The following DPP6 variants were observed in gnomAD, a reference collection of about 807,000 sequenced individuals.
DPP6 encodes dipeptidyl peptidase like 6.
A neutral mutation model predicts 122.6 loss-of-function variants in DPP6; 69 were observed. The ratio of observed to expected loss-of-function variants is 0.56; its 90% confidence interval spans 0.46 to 0.69. The LOEUF is 0.69. Among genes scored for constraint, DPP6 ranks in the 30% least tolerant of loss-of-function variants. The probability of loss-of-function intolerance (pLI) is 0.00; values close to 1 mark genes in which losing one functional copy is unlikely to be tolerated. For missense variants in DPP6, 928 were observed against 1,116.9 expected (o/e 0.83, Z 2.41); for synonymous variants, 418 against 433.1 (o/e 0.97, Z 0.43).
intron 1 of DPP6, among the ~76,000 whole-genome samples, chr7:153,989,358 G>T (rs201678801): frequency 0.12 from 17,037 of 144,240 alleles, 1 homozygote; most frequent in African/African-American, 0.16. Context: ...TGAGTGTGGG[G>T]GAGTGAGTAT....
intron 7 of DPP6, among the ~76,000 whole-genome samples, chr7:154,689,551 G>A (rs967280354): frequency 6.6e-6 from 1 of 151,218 alleles, no homozygotes; most frequent in Non-Finnish European, 1.5e-5. Context: ...TATATACCTA[G>A]CTAGATTTTT....
intron 5 of DPP6, among the ~76,000 whole-genome samples, chr7:154,574,796 GTGTGTTTGTGTGTGTGATGTGTT>G: frequency 1.0e-5 from 1 of 100,330 alleles, no homozygotes; most frequent in South Asian, 4.2e-4. Context: ...TGTGTGTGGT[GTGTGTTTGTGTGTGTGATGTGTT>G]TGTGTGGTGT....
rs77361862 is a variant in DPP6 at position 154,731,922 on chromosome 7, T to A, written c.883+4035T>A. 3.9e-3 allele frequency among the ~76,000 whole-genome samples: 598 copies of A among 152,338 alleles called. 20 individuals are homozygous for A. The East Asian group carries it at 0.093, about 24-fold the overall frequency. On this transcript the variant is annotated intron_variant, in intron 8 of 25. Coordinates refer to ENST00000377770, the MANE Select transcript of DPP6 (RefSeq NM_130797.4). ...GCAAAGTTCCTAGTATGTAGGCATA[T>A]GGGCAAAGAGTTGGAATTCTCCAAG...
chr7:154,074,043 G>GGTATC (rs1803336101), intron 1 of DPP6, among the ~76,000 whole-genome samples: 1 of 148,308 alleles, frequency 6.7e-6, no homozygotes, highest in Non-Finnish European at 1.5e-5. Context: ...ATGTATGTAA[G>GGTATC]TATCTATCTA....
chr7:153,984,633 T>A (rs1796752522), intron 1 of DPP6, among the ~76,000 whole-genome samples: 1 of 152,086 alleles, frequency 6.6e-6, no homozygotes, highest in Non-Finnish European at 1.5e-5. Flanking sequence ...CATAGCTGAA[T>A]TAGGAGAGGG....
chr7:153,886,581 A>C (rs1436479864), upstream of DPP6, among the ~76,000 whole-genome samples: 1 of 152,132 alleles, frequency 6.6e-6, no homozygotes, highest in Non-Finnish European at 1.5e-5. Context: ...CCGGGAAGCC[A>C]GGTGTGCGGC....
intron 1 of DPP6, among the ~76,000 whole-genome samples, chr7:154,410,260 C>T (rs1175036654): frequency 6.6e-6 from 1 of 152,174 alleles, no homozygotes. Flanking sequence ...AAAGCTGTGA[C>T]TTGAAGGGTT....
chr7:154,775,011 T>C (rs1796475855), intron 10 of DPP6, among the ~76,000 whole-genome samples: 1 of 152,208 alleles, frequency 6.6e-6, no homozygotes, highest in Non-Finnish European at 1.5e-5. Flanking sequence ...GGCAGTCCTG[T>C]GTGCCGTAGA....
In DPP6 at chr7:154,474,975, C is replaced by CT. The variant is rs1441532348; in HGVS notation, c.396dup (p.Val133CysfsTer7). 6.2e-7 allele frequency: 1 copy of CT among 1,613,768 alleles called. No homozygotes were observed. Among genetic ancestry groups the CT allele is most frequent in the Admixed American group, 1.7e-5 (1 of 60,016 alleles). On this transcript the variant is annotated frameshift_variant, in exon 3 of 26. Transcript: ENST00000377770. LOFTEE classifies it high-confidence loss of function. The stretch of plus-strand genomic sequence containing the variant: ...AGTCTGTCTCAAAAGAAGAAGGTCA[C>CT]TGTAGAAGATCTCTTCAGTGAAGAC...
rs1233032699 is a variant in DPP6, at chr7:154,877,902, G to C, written c.2078+1802G>C. On this transcript the variant is annotated intron_variant, in intron 20 of 25. Coordinates refer to ENST00000377770, the MANE Select transcript of DPP6 (RefSeq NM_130797.4). This position sits in a 1 kb window ranked among gnomAD's most constrained non-coding sequence, Gnocchi z 5.2. The stretch of plus-strand genomic sequence containing the variant: ...TTCAGTGTGGAAGGAGGATGGGTGG[G>C]TGGCTGCTGGGTCAGCAGCGGGCAG... Among the ~76,000 whole-genome samples the C allele has an allele frequency of 6.6e-6, 1 of 152,122 alleles. No homozygotes were observed. The highest frequency in any genetic ancestry group is 1.5e-5 in the Non-Finnish European group (1 of 68,026).
At chr7:154,882,917 T>TG (rs72350352) in intron 21 of DPP6, among the ~76,000 whole-genome samples, 1 of 151,812 alleles carries the variant, frequency 6.6e-6, no homozygotes, top group South Asian at 2.1e-4. Context: ...TGGTTGATCT[T>TG]GGAGTTTGGC....
intron 1 of DPP6, among the ~76,000 whole-genome samples, chr7:153,894,165 A>T (rs1799314649): frequency 6.6e-6 from 1 of 152,220 alleles, no homozygotes; most frequent in Non-Finnish European, 1.5e-5. Flanking sequence ...GTTTCCAAGG[A>T]CCACAAGGAT....
At chr7:153,947,880 T>C (rs1214976541) in intron 1 of DPP6, among the ~76,000 whole-genome samples, 1 of 152,214 alleles carries the variant, frequency 6.6e-6, no homozygotes, top group Non-Finnish European at 1.5e-5. Flanking sequence ...TGGTCCTTCC[T>C]GCGCCTGACA....
intron 1 of DPP6, among the ~76,000 whole-genome samples, chr7:154,196,465 G>A (rs999283490): frequency 6.6e-5 from 10 of 152,214 alleles, no homozygotes; most frequent in African/African-American, 2.4e-4. Flanking sequence ...ACTCCAGCCT[G>A]GGTGACAGAG....
intron 8 of DPP6, among the ~76,000 whole-genome samples, chr7:154,757,164 C>G (rs1843728048): frequency 6.6e-6 from 1 of 151,556 alleles, no homozygotes; most frequent in Non-Finnish European, 1.5e-5. Context: ...CCCTGAGGAA[C>G]TTGCCAGCCC....
intron 1 of DPP6, among the ~76,000 whole-genome samples, chr7:154,236,515 CT>C (rs1208739399): frequency 6.6e-6 from 1 of 152,120 alleles, no homozygotes; most frequent in African/African-American, 2.4e-5. Flanking sequence ...TTCTTAGCCC[CT>C]GATGAAAGAT....
At chr7:153,854,872 ATG>A in the DPP6 span, among the ~76,000 whole-genome samples, 1 of 130,362 alleles carries the variant, frequency 7.7e-6, no homozygotes, top group East Asian at 2.4e-4. Context: ...GATTAAGAAA[ATG>A]TGGCACATAT....
At chr7:154,400,339 C>T (rs187029195) in intron 1 of DPP6, among the ~76,000 whole-genome samples, 11 of 152,288 alleles carry the variant, frequency 7.2e-5, no homozygotes, top group East Asian at 1.9e-4. Context: ...CATGGCTCCA[C>T]GCCATGTTTT....
At chr7:153,768,347 G>A in the DPP6 span, among the ~76,000 whole-genome samples, 1 of 151,992 alleles carries the variant, frequency 6.6e-6, no homozygotes, top group Admixed American at 6.6e-5. Flanking sequence ...AACCGTCTCA[G>A]TAATCTCAGG....
Sources: allele counts gnomAD v4.1 joint callset (sites outside exome capture counted in the v4.1 genomes callset), GRCh38; gene constraint gnomAD v4.1.1; non-coding constraint Gnocchi (gnomAD v3.1); transcripts MANE v1.5; gene names NCBI Gene and HGNC (gene_info 2026-07-23, HGNC 2026-07-21).